Variants in THSD4 observed in about 807,000 individuals in gnomAD.
The protein encoded by THSD4 is thrombospondin type-1 domain-containing protein 4.
THSD4 carries 69 observed loss-of-function variants against 119.0 expected under a neutral mutation model. That is an observed-to-expected ratio of 0.58 (90% confidence interval 0.48 to 0.71). The LOEUF is 0.71. Ranked by LOEUF, THSD4 falls within the 30% of genes least tolerant of loss-of-function variation. The pLI is 0.00. For missense variants in THSD4, 1,393 were observed against 1,391.1 expected (o/e 1.00, Z -0.02); for synonymous variants, 524 against 540.4 (o/e 0.97, Z 0.42).
At chr15:71,381,472 ACAGT>A (rs1317658039) in intron 6 of THSD4, among the ~76,000 whole-genome samples, 3 of 152,222 alleles carry the variant, frequency 2.0e-5, no homozygotes, top group Non-Finnish European at 4.4e-5. Context: ...TTTTATAAAG[ACAGT>A]CAGTTTCTTC....
At chr15:71,342,456 T>C (rs2045594254) in intron 6 of THSD4, 1 of 152,840 alleles carries the variant, frequency 6.5e-6, no homozygotes, top group Admixed American at 6.5e-5. Context: ...AGTCTCAGCA[T>C]GGGAGTCCCT....
At chr15:71,317,706 T>C (rs1229379096) in intron 6 of THSD4, among the ~76,000 whole-genome samples, 2 of 152,164 alleles carry the variant, frequency 1.3e-5, no homozygotes, top group Non-Finnish European at 2.9e-5. Context: ...AGAGGCTGCC[T>C]GTGTAGGGGG....
intron 7 of THSD4, among the ~76,000 whole-genome samples, chr15:71,629,758 C>A (rs1243904298): frequency 6.6e-6 from 1 of 152,178 alleles, no homozygotes; most frequent in Non-Finnish European, 1.5e-5. Flanking sequence ...CTCCCTTGCC[C>A]CCATCCCAAA....
At chr15:71,283,576 G>A (rs2044681274) in intron 6 of THSD4, among the ~76,000 whole-genome samples, 1 of 152,096 alleles carries the variant, frequency 6.6e-6, no homozygotes, top group South Asian at 2.1e-4. Flanking sequence ...TATGTGGCAG[G>A]CAGTGTGCTG....
chr15:71,341,571 G>C (rs367551948), intron 6 of THSD4: 6 of 1,607,686 alleles, frequency 3.7e-6, no homozygotes, highest in African/African-American at 1.3e-5. Context: ...ACATCTTTCA[G>C]ATACTTCGTG....
rs201118574 is a variant in THSD4 at position 71,193,717 on chromosome 15, T to A, written c.100-21318T>A. ...ATGAGATCTGATGGTTTTTCTTTTC[T>A]TTTTTTTTGAGACGGAGTCTCGCTC... On this transcript the variant is annotated intron_variant, in intron 3 of 17. Coordinates refer to ENST00000261862, the MANE Select transcript of THSD4 (RefSeq NM_024817.3). 1.1e-3 allele frequency among the ~76,000 whole-genome samples: 5 copies of A among 4,412 alleles called. No individual in the cohort carries two copies. In the East Asian group the frequency reaches 0.28, roughly 245 times the overall value. 2.9% of individuals were successfully genotyped at this position (4,412 alleles called of 152,430 possible).
intron 6 of THSD4, among the ~76,000 whole-genome samples, chr15:71,354,173 G>GTAGTCCC: frequency 6.6e-6 from 1 of 152,288 alleles, no homozygotes; most frequent in East Asian, 1.9e-4. Flanking sequence ...GCATTTACCT[G>GTAGTCCC]TAGTCCCTGC....
chr15:71,483,733 T>C (rs2047770644), intron 7 of THSD4, among the ~76,000 whole-genome samples: 1 of 152,098 alleles, frequency 6.6e-6, no homozygotes, highest in South Asian at 2.1e-4. Context: ...CCATTTATCC[T>C]GATGCTCTCC....
At chr15:71,547,655 C>G (rs1308457174) in intron 7 of THSD4, 3 of 728,278 alleles carry the variant, frequency 4.1e-6, no homozygotes, top group Non-Finnish European at 6.2e-6. Context: ...TTCTTTTCTT[C>G]TTGAAGAATT....
chr15:71,355,918 A>G (rs886080605), intron 6 of THSD4, among the ~76,000 whole-genome samples: 1 of 151,862 alleles, frequency 6.6e-6, no homozygotes, highest in Non-Finnish European at 1.5e-5. Flanking sequence ...CCCAGGCTGG[A>G]GGGCAGTGGC....
At chr15:71,648,563 G>T (rs776875934) in intron 7 of THSD4, among the ~76,000 whole-genome samples, 1 of 152,172 alleles carries the variant, frequency 6.6e-6, no homozygotes, top group Admixed American at 6.5e-5. Flanking sequence ...AAGTTACAAA[G>T]ATAAAAGAAA....
intron 1 of THSD4, among the ~76,000 whole-genome samples, chr15:71,139,088 A>G (rs780213719): frequency 2.6e-5 from 4 of 151,926 alleles, no homozygotes; most frequent in Non-Finnish European, 4.4e-5. Flanking sequence ...CACACTTACC[A>G]ACAATTCTAG....
intron 7 of THSD4, among the ~76,000 whole-genome samples, chr15:71,430,496 A>T (rs1409861580): frequency 2.0e-5 from 3 of 152,224 alleles, no homozygotes; most frequent in Non-Finnish European, 2.9e-5. Flanking sequence ...TAAATCAAAG[A>T]TTTGACTTGC....
At chr15:71,260,702 G>A (rs191950423) in intron 6 of THSD4, among the ~76,000 whole-genome samples, 48 of 152,024 alleles carry the variant, frequency 3.2e-4, no homozygotes, top group Admixed American at 1.6e-3. Context: ...CTTCTGTCTC[G>A]GGCAGGCGAG....
In THSD4 at chr15:71,226,325, T is replaced by C. The variant is rs150977252; in HGVS notation, c.464+10926T>C. On this transcript the variant is annotated intron_variant, in intron 4 of 17. Coordinates refer to ENST00000261862, the MANE Select transcript of THSD4 (RefSeq NM_024817.3). ...ATTTAGAGACTTGTGTCCCTTTCTATAATTTGTTGTCTGTGTGTCCATGTT... is the reference window on the plus strand; with the variant it reads ...ATTTAGAGACTTGTGTCCCTTTCTACAATTTGTTGTCTGTGTGTCCATGTT... Among the ~76,000 whole-genome samples the C allele has an allele frequency of 8.8e-4, 134 of 152,302 alleles. 1 individual carries two copies. Among genetic ancestry groups the C allele is most frequent in the Middle Eastern group, 6.8e-3 (2 of 294 alleles).
chr15:71,372,738 G>A (rs745524880), intron 6 of THSD4, among the ~76,000 whole-genome samples: 4 of 152,206 alleles, frequency 2.6e-5, no homozygotes, highest in Non-Finnish European at 5.9e-5. Context: ...ACCCACTTGA[G>A]GGGGCAGTCT....
rs927088805 is a variant in THSD4 at position 71,479,726 on chromosome 15, G to T, written c.1152+67903G>T. ...CGTACCCTTCACTCTTTAGGAGAAGGTTTGAAAAAAAACTGTGTTTCCTGT... is the reference window on the plus strand; with the variant it reads ...CGTACCCTTCACTCTTTAGGAGAAGTTTTGAAAAAAAACTGTGTTTCCTGT... On this transcript the variant is annotated intron_variant, in intron 7 of 17. Transcript: ENST00000261862. Among the ~76,000 whole-genome samples the T allele has an allele frequency of 5.9e-5, 9 of 152,016 alleles. 1 individual carries two copies. The highest frequency in any genetic ancestry group is 5.9e-4 in the Admixed American group (9 of 15,274).
At chr15:71,483,945 C>A (rs553563881) in intron 7 of THSD4, among the ~76,000 whole-genome samples, 1 of 152,200 alleles carries the variant, frequency 6.6e-6, no homozygotes, top group Non-Finnish European at 1.5e-5. Context: ...TTTTATGTAG[C>A]CTTGATTCTT....
chr15:71,337,399 G>A (rs1266621931), intron 6 of THSD4, among the ~76,000 whole-genome samples: 1 of 152,240 alleles, frequency 6.6e-6, no homozygotes. Context: ...TGCCCCTGGA[G>A]GGCTTGATGC....
Sources: allele counts gnomAD v4.1 joint callset (sites outside exome capture counted in the v4.1 genomes callset), GRCh38; gene constraint gnomAD v4.1.1; transcripts MANE v1.5; gene names NCBI Gene and HGNC (gene_info 2026-07-23, HGNC 2026-07-21).